Variants in PIK3C2G observed in about 807,000 individuals in gnomAD.
PIK3C2G encodes phosphatidylinositol 3-kinase C2 domain-containing subunit gamma.
In PIK3C2G, 168 loss-of-function variants were observed where a neutral mutation model predicts 181.1. That is an observed-to-expected ratio of 0.93 (90% CI 0.82 to 1.05). PIK3C2G has a LOEUF of 1.05. Ranked by LOEUF, PIK3C2G falls within the 50% of genes least tolerant of loss-of-function variation. The pLI is 0.00. For missense variants in PIK3C2G, 1,869 were observed against 1,732.8 expected, an observed-to-expected ratio of 1.08 and a Z score of -1.40; for synonymous variants, 573 against 592.2, an observed-to-expected ratio of 0.97 and a Z score of 0.47.
chr12:18,567,219 G>A (rs1283546074), intron 29 of PIK3C2G, among the ~76,000 whole-genome samples, 162 bp downstream of exon 29: 11 of 151,952 alleles, frequency 7.2e-5, no homozygotes, highest in East Asian at 1.9e-4. Context: ...GCCACAAAAC[G>A]AGACCTCATC....
At chr12:18,578,293 T>G (rs1288758111) in intron 29 of PIK3C2G, among the ~76,000 whole-genome samples, 1 of 152,192 alleles carries the variant, frequency 6.6e-6, no homozygotes, top group African/African-American at 2.4e-5. Flanking sequence ...TTTTATAACT[T>G]CACACGTTGG....
rs913676133 is a variant in PIK3C2G, at chr12:18,570,939, C to T, written c.4011+3882C>T. On this transcript the variant is annotated intron_variant, in intron 29 of 32. Transcript: ENST00000538779. The stretch of plus-strand genomic sequence containing the variant: ...CAACTTATATTCAAAATAAATGCCA[C>T]GGCAAAGGAAAATTATAGAGATTCA... Among the ~76,000 whole-genome samples the T allele has an allele frequency of 4.0e-5, 6 of 150,714 alleles. 1 individual carries two copies. Among genetic ancestry groups the T allele is most frequent in the African/African-American group, 1.2e-4 (5 of 40,286 alleles).
intron 13 of PIK3C2G, among the ~76,000 whole-genome samples, chr12:18,375,846 C>G (rs79601553): frequency 6.6e-6 from 1 of 152,170 alleles, no homozygotes; most frequent in Non-Finnish European, 1.5e-5. Flanking sequence ...AGCTTCAGAC[C>G]AAAGGGGCGC....
chr12:18,629,779 C>T (rs1272550464), intron 31 of PIK3C2G, among the ~76,000 whole-genome samples: 1 of 152,076 alleles, frequency 6.6e-6, no homozygotes, highest in African/African-American at 2.4e-5. Flanking sequence ...CTTCAGATGG[C>T]TAGCTGTTTA....
At chr12:18,394,272 G>A (rs939191265) in intron 15 of PIK3C2G, among the ~76,000 whole-genome samples, 6 of 152,046 alleles carry the variant, frequency 3.9e-5, no homozygotes, top group Admixed American at 1.3e-4. Context: ...AAATTAGGCT[G>A]ATCTTCCAGT....
chr12:18,572,121 TATTTA>T, intron 29 of PIK3C2G, among the ~76,000 whole-genome samples: 1 of 141,216 alleles, frequency 7.1e-6, no homozygotes, highest in African/African-American at 2.9e-5. Context: ...GCCCTATGCC[TATTTA>T]ACCCACTTGT....
the PIK3C2G span, chr12:18,699,673 T>G: frequency 9.2e-7 from 1 of 1,089,980 alleles, no homozygotes; most frequent in Non-Finnish European, 1.4e-6. Flanking sequence ...CTAAATTATG[T>G]TAAATGTGTT....
intron 12 of PIK3C2G, among the ~76,000 whole-genome samples, chr12:18,366,764 G>A (rs988046844): frequency 1.7e-4 from 26 of 150,300 alleles, no homozygotes; most frequent in African/African-American, 6.3e-4. Context: ...ATCTGTTTCC[G>A]CTTACTGATG....
rs1392666465 is a variant in PIK3C2G at position 18,531,215 on chromosome 12, A to G, written c.3324-6941A>G. On this transcript the variant is annotated intron_variant, in intron 24 of 32. Transcript: ENST00000538779. Reference sequence around the variant, plus strand: ...TCATCTCACTCTACAGTTTCCATCAAACTGTTATCATCTATATATATTATC... The same window carrying G: ...TCATCTCACTCTACAGTTTCCATCAGACTGTTATCATCTATATATATTATC... Among the ~76,000 whole-genome samples, 3 of 152,104 alleles carry G rather than the reference A, an allele frequency of 2.0e-5. No individual in the cohort carries two copies. The South Asian group carries it at 6.2e-4, about 31-fold the overall frequency.
Position 18,420,960 on chromosome 12 carries a change from C to T in PIK3C2G, c.2335C>T (p.Arg779Cys), listed in dbSNP as rs759658584. ...TATTAGTTTTCCAGATCAAGAAATT[C>T]GTAAAGTGGCAGTTCAACAATTAGA... is the stretch of plus-strand genomic sequence containing the variant. ...LTSSFPDQEI[R>C]KVAVQQLDNL... Residue 779 changes from arginine to cysteine, a missense_variant, in exon 17 of 33, where the codon CGT becomes TGT. Coordinates refer to ENST00000538779, the MANE Select transcript of PIK3C2G (RefSeq NM_001288772.2). 12 of 1,594,168 alleles carry T rather than the reference C, an allele frequency of 7.5e-6. No individual in the cohort carries two copies. Among genetic ancestry groups the T allele is most frequent in the Non-Finnish European group, 1.0e-5 (12 of 1,162,876 alleles).
At chr12:18,256,143 A>G (rs1453368637) in intron 1 of PIK3C2G, among the ~76,000 whole-genome samples, 2 of 152,140 alleles carry the variant, frequency 1.3e-5, no homozygotes, top group Non-Finnish European at 2.9e-5. Context: ...AAGAACTAGA[A>G]AATATTCTCT....
rs1277875805 is a variant in PIK3C2G at position 18,282,544 on chromosome 12, A to T, written c.463A>T (p.Asn155Tyr). Residue 155 changes from asparagine (N) to tyrosine (Y), a missense_variant, in exon 2 of 33, where the codon AAT becomes TAT. By Grantham distance (143) the Asn-to-Tyr change is moderately radical (BLOSUM62 -2). Coordinates refer to ENST00000538779, the MANE Select transcript of PIK3C2G (RefSeq NM_001288772.2). ...ATCATTCACAAGTTTGGATAAAATT[A>T]ATCTAGAGAAAGAATTAGAAAATGA... Reference protein sequence around the residue: ...APSFTSLDKINLEKELENENH... With the variant: ...APSFTSLDKIYLEKELENENH... 6.2e-7 allele frequency: 1 copy of T among 1,610,680 alleles called. No homozygotes were observed.
chr12:18,466,068 CGTGT>C (rs10570614), intron 18 of PIK3C2G, among the ~76,000 whole-genome samples: 1,558 of 150,856 alleles, frequency 0.01, 27 homozygotes, highest in African/African-American at 0.036. Context: ...TATTTATGTG[CGTGT>C]GTGTGTATTT....
intron 29 of PIK3C2G, among the ~76,000 whole-genome samples, chr12:18,589,995 A>T (rs540672175): frequency 6.6e-6 from 1 of 152,030 alleles, no homozygotes; most frequent in East Asian, 1.9e-4. Context: ...CAGTGGTTAC[A>T]TAAGTGAGCC....
At chr12:18,588,758 A>G (rs972166783) in intron 29 of PIK3C2G, among the ~76,000 whole-genome samples, 1 of 152,078 alleles carries the variant, frequency 6.6e-6, no homozygotes, top group Admixed American at 6.6e-5. Flanking sequence ...ACCCAAAGAA[A>G]TATAAATCAT....
At chr12:18,295,150 ATATT>A (rs1299661770) in intron 5 of PIK3C2G, among the ~76,000 whole-genome samples, 6 of 150,766 alleles carry the variant, frequency 4.0e-5, no homozygotes, top group Admixed American at 4.0e-4. Flanking sequence ...AAAATAATAA[ATATT>A]TATATGAAAT....
At chr12:18,674,874 G>T in the PIK3C2G span, among the ~76,000 whole-genome samples, 1 of 152,114 alleles carries the variant, frequency 6.6e-6, no homozygotes, top group African/African-American at 2.4e-5. Context: ...AGCCTGTGAA[G>T]AACCCTGGGA....
intron 16 of PIK3C2G, among the ~76,000 whole-genome samples, chr12:18,418,771 C>G (rs1174823985): frequency 1.3e-5 from 2 of 151,990 alleles, no homozygotes; most frequent in Admixed American, 6.6e-5. Flanking sequence ...GCTAGGGAAC[C>G]ATAACTAAAT....
At position 18,282,196 on chromosome 12, in the gene PIK3C2G, G is replaced by C; in HGVS notation, c.115G>C (p.Gly39Arg). Residue 39 changes from glycine to arginine, a missense_variant, in exon 2 of 33, where the codon GGT becomes CGT. Physicochemically the swap from Gly to Arg is moderately radical, Grantham distance 125. Coordinates refer to ENST00000538779, the MANE Select transcript of PIK3C2G (RefSeq NM_001288772.2). Reference sequence around the variant, plus strand: ...CCATTCTTCTAGCCAAGTCAGTCTGGGTTTTGATCAGATAGTAGATGAGAT... The same window carrying C: ...CCATTCTTCTAGCCAAGTCAGTCTGCGTTTTGATCAGATAGTAGATGAGAT... The part of the protein sequence containing the change: ...QPHSSSQVSL[G>R]FDQIVDEISG... 6.2e-7 allele frequency: 1 copy of C among 1,613,086 alleles called. No individual in the cohort carries two copies. The highest frequency in any genetic ancestry group is 1.3e-5 in the African/African-American group (1 of 74,968).
Sources: gnomAD v4.1 joint callset for allele counts (sites outside exome capture counted in the v4.1 genomes callset) on GRCh38, gnomAD v4.1.1 for gene constraint, MANE v1.5 for transcripts, NCBI Gene and HGNC (gene_info 2026-07-23, HGNC 2026-07-21) for gene names.